ZP1: variants seen among roughly 807,000 people sequenced by gnomAD.
ZP1 encodes zona pellucida sperm-binding protein 1.
A neutral mutation model predicts 67.4 loss-of-function variants in ZP1; 58 were observed. The ratio of observed to expected loss-of-function variants is 0.86; its 90% CI spans 0.70 to 1.07. ZP1 has a LOEUF of 1.07. Ranked by LOEUF, ZP1 falls within the 50% of genes least tolerant of loss-of-function variation. ZP1 has a pLI of 0.00. For missense variants in ZP1, 759 were observed against 807.3 expected, an observed-to-expected ratio of 0.94 and a Z score of 0.72; for synonymous variants, 333 against 332.7, an observed-to-expected ratio of 1.00 and a Z score of -0.01.
At position 60,875,182 on chromosome 11, in the gene ZP1, G is replaced by A. The variant is rs763617076; in HGVS notation, c.1708G>A (p.Val570Met). ...TGACACTGCCAGGCCCCAGGACATC[G>A]TGAGCTCTCCGGGGCCAGTGGGCTT... ...RNDTARPQDIVSSPGPVGFED... is the reference protein window; with the variant it reads ...RNDTARPQDIMSSPGPVGFED... Residue 570 changes from valine (V) to methionine (M), a missense_variant, in exon 11 of 12, where the codon GTG becomes ATG. By Grantham distance (21) the Val-to-Met change is conservative. Coordinates refer to ENST00000278853, the MANE Select transcript of ZP1 (RefSeq NM_207341.4). 1.5e-5 allele frequency: 24 copies of A among 1,613,740 alleles called. No individual in the cohort carries two copies. The highest frequency in any genetic ancestry group is 2.2e-5 in the East Asian group (1 of 44,900).
intron 1 of ZP1, among the ~76,000 whole-genome samples, chr11:60,868,906 G>A (rs1855515448): frequency 6.6e-6 from 1 of 152,174 alleles, no homozygotes; most frequent in African/African-American, 2.4e-5. Flanking sequence ...CTGCTGCCGT[G>A]TGCTGTGAGC....
intron 1 of ZP1, among the ~76,000 whole-genome samples, chr11:60,868,637 C>T (rs920670981): frequency 6.6e-6 from 1 of 152,188 alleles, no homozygotes; most frequent in Non-Finnish European, 1.5e-5. Flanking sequence ...GCAGGGTGGA[C>T]ACCTAGGGGG....
Position 60,869,846 on chromosome 11 carries a change from C to A in ZP1, c.628C>A (p.Gln210Lys). 6.3e-7 allele frequency: 1 copy of A among 1,599,686 alleles called. No homozygotes were observed. The highest frequency in any genetic ancestry group is 8.5e-7 in the Non-Finnish European group (1 of 1,172,134). The change falls in exon 3 of 12, where the codon CAA becomes AAA. Residue 210 changes from glutamine (Q) to lysine (K), a missense_variant. Gln to Lys is a moderately conservative substitution (Grantham distance 53, BLOSUM62 1). Coordinates refer to ENST00000278853, the MANE Select transcript of ZP1 (RefSeq NM_207341.4). ...GPGPTLATLAQPHWGTLEHWD... is the reference protein window; with the variant it reads ...GPGPTLATLAKPHWGTLEHWD... ...TGGACCTACCCTCGCCACCCTGGCTCAACCCCACTGGGGCACCTTGGAACA... is the reference window on the plus strand; with the variant it reads ...TGGACCTACCCTCGCCACCCTGGCTAAACCCCACTGGGGCACCTTGGAACA...
chr11:60,872,229 A>G (rs1435227706), intron 6 of ZP1, among the ~76,000 whole-genome samples: 1 of 152,210 alleles, frequency 6.6e-6, no homozygotes, highest in East Asian at 1.9e-4. Flanking sequence ...AAAAACCCAT[A>G]TGTTCTTATG....
intron 6 of ZP1, among the ~76,000 whole-genome samples, chr11:60,872,289 T>G (rs1855587549): frequency 6.6e-6 from 1 of 152,108 alleles, no homozygotes; most frequent in African/African-American, 2.4e-5. Flanking sequence ...CTCTCTGATG[T>G]AAGAGCTCTG....
chr11:60,874,877 G>A (rs1855670167), intron 9 of ZP1, 56 bp from the exon 10 acceptor site: 2 of 1,567,558 alleles, frequency 1.3e-6, no homozygotes, highest in Admixed American at 3.3e-5. Context: ...TTCCCTTTGT[G>A]CTTCCTGCCC....
intron 9 of ZP1, 134 bp downstream of exon 9, chr11:60,873,909 T>G: frequency 8.0e-7 from 1 of 1,251,570 alleles, no homozygotes; most frequent in South Asian, 1.4e-5. Context: ...CCAGGTGTCA[T>G]GGAAAGCAGC....
Position 60,873,176 on chromosome 11 carries a change from G to A in ZP1, c.1127G>A (p.Cys376Tyr), listed in dbSNP as rs2134834807. 6.3e-7 allele frequency: 1 copy of A among 1,593,696 alleles called. No homozygotes were observed. Among genetic ancestry groups the A allele is most frequent in the East Asian group, 2.2e-5 (1 of 44,806 alleles). Reference sequence around the variant, plus strand: ...GTGGACTTCAGGCTTCATGTGCGCTGTGTCTTCAACGCCAGTGACTTCCTG... The same window carrying A: ...GTGGACTTCAGGCTTCATGTGCGCTATGTCTTCAACGCCAGTGACTTCCTG... Reference protein sequence around the residue: ...RDSTFQLHVRCVFNASDFLPI... With the variant: ...RDSTFQLHVRYVFNASDFLPI... Residue 376 changes from cysteine (C) to tyrosine (Y), a missense_variant, in exon 7 of 12, where the codon TGT becomes TAT. By Grantham distance (194) the Cys-to-Tyr change is radical (BLOSUM62 -2). Coordinates refer to ENST00000278853, the MANE Select transcript of ZP1 (RefSeq NM_207341.4).
chr11:60,875,298 C>T (rs1256260264), intron 11 of ZP1, 50 bp downstream of exon 11: 9 of 1,574,482 alleles, frequency 5.7e-6, no homozygotes, highest in Admixed American at 1.8e-5. Flanking sequence ...CTCTCAGCCC[C>T]CAAGATTGTG....
rs371839407 is a variant in ZP1 at position 60,869,517 on chromosome 11, T to C, written c.319-20T>C. The C allele has an allele frequency of 6.9e-6, 11 of 1,585,500 alleles. No homozygotes were observed. Among genetic ancestry groups the C allele is most frequent in the South Asian group, 1.2e-5 (1 of 86,552 alleles). ...TAGGTGGCCTCACCTTGCTGCTCTA[T>C]GATGGCCTCTCACCTGCAGGATGGG... On this transcript the variant is annotated intron_variant, in intron 2 of 11. Transcript: ENST00000278853.
At chr11:60,867,857 C>A in intron 1 of ZP1, 100 bp downstream of exon 1, 12 of 1,369,878 alleles carry the variant, frequency 8.8e-6, no homozygotes, top group Admixed American at 4.9e-5. Flanking sequence ...ACAGAGGCCT[C>A]CCTCCAGCCT....
At position 60,875,172 on chromosome 11, in the gene ZP1, C is replaced by G; in HGVS notation, c.1698C>G (p.Pro566=). 6.2e-7 allele frequency: 1 copy of G among 1,613,910 alleles called. No individual in the cohort carries two copies. The highest frequency in any genetic ancestry group is 8.5e-7 in the Non-Finnish European group (1 of 1,180,044). Residue 566 remains proline, a synonymous_variant, in exon 11 of 12, where the codon CCC becomes CCG. Coordinates refer to ENST00000278853, the MANE Select transcript of ZP1 (RefSeq NM_207341.4). Reference sequence around the variant, plus strand: ...GTCACCGTAATGACACTGCCAGGCCCCAGGACATCGTGAGCTCTCCGGGGC... The same window carrying G: ...GTCACCGTAATGACACTGCCAGGCCGCAGGACATCGTGAGCTCTCCGGGGC... ...SSGHRNDTAR[P]QDIVSSPGPV...
At chr11:60,875,399 C>A in intron 11 of ZP1, 115 bp from the exon 12 acceptor site, 1 of 1,519,694 alleles carries the variant, frequency 6.6e-7, no homozygotes, top group Non-Finnish European at 8.8e-7. Flanking sequence ...AGACACAGTC[C>A]ACCTCATCTG....
intron 9 of ZP1, among the ~76,000 whole-genome samples, chr11:60,874,461 C>G (rs1855658749): frequency 6.6e-6 from 1 of 152,216 alleles, no homozygotes; most frequent in Admixed American, 6.5e-5. Context: ...CCCTCTGCCC[C>G]CAGTCACTGG....
At chr11:60,871,946 A>G (rs980761513) in intron 6 of ZP1, among the ~76,000 whole-genome samples, 4 of 152,186 alleles carry the variant, frequency 2.6e-5, no homozygotes, top group Admixed American at 6.5e-5. Flanking sequence ...ACCCTGTGGG[A>G]CGGAGCCAAT....
chr11:60,869,651 G>C lies in ZP1; in HGVS notation c.433G>C (p.Asp145His), dbSNP rs769952684. The C allele has an allele frequency of 1.2e-5, 20 of 1,614,104 alleles. No homozygotes were observed. In the South Asian group the frequency reaches 1.9e-4, roughly 15 times the overall value. ...CPKPDPSRTL[D>H]SQLAPPAMFS... ...CAAACCTGACCCCTCCCGGACTCTG[G>C]ACTCCCAGCTGGCACCACCCGCCAT... Residue 145 changes from aspartate to histidine, a missense_variant, in exon 3 of 12, where the codon GAC (aspartate) becomes CAC (histidine). By Grantham distance (81) the Asp-to-His change is moderately conservative (BLOSUM62 -1). Coordinates refer to ENST00000278853, the MANE Select transcript of ZP1 (RefSeq NM_207341.4).
Position 60,867,664 on chromosome 11 carries a change from C to G in ZP1, c.103C>G (p.Pro35Ala). The change falls in exon 1 of 12, where the codon CCA (proline) becomes GCA (alanine). Residue 35 changes from proline (P) to alanine (A), a missense_variant. Transcript: ENST00000278853. ...GRWLQPDPGL[P>A]GLRHSYDCGI... The stretch of plus-strand genomic sequence containing the variant: ...GTGGCTCCAGCCCGACCCTGGCCTC[C>G]CAGGCCTCCGGCACAGCTACGACTG... 6.2e-7 allele frequency: 1 copy of G among 1,614,052 alleles called. No individual in the cohort carries two copies. The highest frequency in any genetic ancestry group is 8.5e-7 in the Non-Finnish European group (1 of 1,179,960).
At chr11:60,871,713 T>C (rs1302411957) in intron 6 of ZP1, among the ~76,000 whole-genome samples, 1 of 152,152 alleles carries the variant, frequency 6.6e-6, no homozygotes. Flanking sequence ...TAATGTCAGG[T>C]TAAGAAGCCA....
chr11:60,873,507 G>A lies in ZP1; in HGVS notation c.1373G>A (p.Trp458Ter), dbSNP rs1466485542. ...CTGGTCCTGCTGCTGCACCAGTGCT[G>A]GGGCGCTCCCAGTGCCAACCCCTTC... Reference protein sequence around the residue: ...PNLVLLLHQCWGAPSANPFQQ... With the variant: ...PNLVLLLHQC Residue 458 changes from tryptophan (W) to a stop codon, truncating the protein, a stop_gained, in exon 8 of 12, where the codon TGG becomes TAG. Coordinates refer to ENST00000278853, the MANE Select transcript of ZP1 (RefSeq NM_207341.4). LOFTEE classifies it high-confidence loss of function. 1.9e-6 allele frequency: 3 copies of A among 1,613,146 alleles called. No homozygotes were observed. The highest frequency in any genetic ancestry group is 1.7e-6 in the Non-Finnish European group (2 of 1,179,604).
Sources: allele counts gnomAD v4.1 joint callset (sites outside exome capture counted in the v4.1 genomes callset), GRCh38; gene constraint gnomAD v4.1.1; transcripts MANE v1.5; gene names NCBI Gene and HGNC (gene_info 2026-07-23, HGNC 2026-07-21).